Variants in STARD9 observed in about 807,000 individuals in gnomAD.
STARD9 encodes the protein StAR related lipid transfer domain containing 9.
STARD9 carries 346 observed loss-of-function variants against 399.8 expected under a neutral mutation model. The observed-to-expected ratio is 0.87, with a 90% CI of 0.79 to 0.95. STARD9 has a LOEUF of 0.95. Ranked by LOEUF, STARD9 falls within the 40% of genes least tolerant of loss-of-function variation. The probability of loss-of-function intolerance (pLI) is 0.00; values close to 1 mark genes in which losing one functional copy is unlikely to be tolerated. For synonymous variants in STARD9, 2,203 were observed against 2,143.5 expected (o/e 1.03, Z -0.77); for missense variants, 5,832 against 5,667.5 (o/e 1.03, Z -0.93).
At chr15:42,674,664 C>T (rs533993895) in intron 17 of STARD9, among the ~76,000 whole-genome samples, 163 bp from the exon 18 acceptor site, 12 of 152,280 alleles carry the variant, frequency 7.9e-5, no homozygotes, top group South Asian at 4.2e-4. Flanking sequence ...GGGAGACCCA[C>T]GCAGTGGGAG....
chr15:42,649,094 A>G (rs1405574591), intron 7 of STARD9, among the ~76,000 whole-genome samples: 2 of 151,922 alleles, frequency 1.3e-5, no homozygotes, highest in Non-Finnish European at 2.9e-5. Context: ...CAATGGCGCA[A>G]TCTCAGCTCA....
chr15:42,629,366 A>G (rs575284151), intron 3 of STARD9, among the ~76,000 whole-genome samples: 24 of 152,226 alleles, frequency 1.6e-4, no homozygotes, highest in African/African-American at 5.5e-4. Flanking sequence ...GACTATTCCT[A>G]GGTATCTTAT....
chr15:42,697,641 T>C lies in STARD9; in HGVS notation c.13284+1761T>C, dbSNP rs185430926. ...CCTGACCTCATGTGACACATTGAGT[T>C]GAAACACAGTCAAAACTTGGTTTCA... is the stretch of plus-strand genomic sequence containing the variant. On this transcript the variant is annotated intron_variant, in intron 26 of 32. Coordinates refer to ENST00000290607, the MANE Select transcript of STARD9 (RefSeq NM_020759.3). Among the ~76,000 whole-genome samples, 46 of 152,306 alleles carry C rather than the reference T, an allele frequency of 3.0e-4. No homozygotes were observed. In the East Asian group the frequency reaches 8.9e-3, roughly 29 times the overall value.
intron 15 of STARD9, among the ~76,000 whole-genome samples, chr15:42,667,914 C>T (rs527274657): frequency 3.3e-5 from 5 of 152,286 alleles, no homozygotes; most frequent in South Asian, 4.1e-4. Context: ...CTAAATCACA[C>T]GTCTAGAAGT....
At chr15:42,702,026 A>G (rs1488614324) in intron 26 of STARD9, among the ~76,000 whole-genome samples, 2 of 148,182 alleles carry the variant, frequency 1.3e-5, no homozygotes, top group Admixed American at 6.7e-5. Flanking sequence ...AGCTGAATGC[A>G]TGACCATGAC....
intron 8 of STARD9, among the ~76,000 whole-genome samples, 180 bp downstream of exon 8, chr15:42,651,265 T>A (rs2059757387): frequency 6.6e-6 from 1 of 152,166 alleles, no homozygotes; most frequent in Non-Finnish European, 1.5e-5. Context: ...TGACTAAGAT[T>A]TAGTCTCTTC....
At chr15:42,663,199 G>T in intron 11 of STARD9, 82 bp from the exon 12 acceptor site, 1 of 1,252,642 alleles carries the variant, frequency 8.0e-7, no homozygotes, top group Non-Finnish European at 1.1e-6. Flanking sequence ...ACTTAAGTCT[G>T]TGTTCTCCAA....
At chr15:42,602,175 TAC>T (rs2058643461) in intron 3 of STARD9, among the ~76,000 whole-genome samples, 1 of 152,232 alleles carries the variant, frequency 6.6e-6, no homozygotes, top group South Asian at 2.1e-4. Context: ...GTTTGTTTCC[TAC>T]ACCAAAGGCA....
intron 16 of STARD9, chr15:42,671,218 A>C (rs1328076720): frequency 7.0e-6 from 1 of 142,304 alleles, no homozygotes; most frequent in Non-Finnish European, 1.5e-5. Context: ...CTGCAACCTC[A>C]ACCTCCTGGG....
At chr15:42,615,302 C>T (rs946582149) in intron 3 of STARD9, among the ~76,000 whole-genome samples, 2 of 152,202 alleles carry the variant, frequency 1.3e-5, no homozygotes, top group Admixed American at 6.5e-5. Flanking sequence ...AGCCACCACA[C>T]CCAGCCATGG....
chr15:42,694,636 C>A lies in STARD9; in HGVS notation c.12873C>A (p.Asn4291Lys). 2 of 1,537,208 alleles carry A rather than the reference C, an allele frequency of 1.3e-6. No homozygotes were observed. Among genetic ancestry groups the A allele is most frequent in the Middle Eastern group, 1.7e-4 (1 of 5,990 alleles). Reference sequence around the variant, plus strand: ...AGAAACAACTGAGCCTCCTGCCCAACAAAGATCTCTTCATCTGGGATCTTG... The same window carrying A: ...AGAAACAACTGAGCCTCCTGCCCAAAAAAGATCTCTTCATCTGGGATCTTG... ...SPQKQLSLLP[N>K]KDLFIWDLDL... is the part of the protein sequence containing the mutation. The change falls in exon 24 of 33, where the codon AAC becomes AAA. Residue 4291 changes from asparagine (N) to lysine (K), a missense_variant. Asn to Lys is a moderately conservative substitution (Grantham distance 94). Transcript: ENST00000290607.
chr15:42,693,695 G>C lies in STARD9; in HGVS notation c.12117G>C (p.Pro4039=), dbSNP rs922143606. 13 of 1,537,008 alleles carry C rather than the reference G, an allele frequency of 8.5e-6. No homozygotes were observed. Among genetic ancestry groups the C allele is most frequent in the Non-Finnish European group, 1.1e-5 (13 of 1,146,926 alleles). The part of the protein sequence containing the change: ...NSFVPEKVAS[P]EHCPLSGREP... ...TTGTGCCTGAGAAGGTGGCTTCCCC[G>C]GAGCATTGCCCACTGAGCGGTAGGG... Residue 4039 remains proline (P), a synonymous_variant, in exon 23 of 33, where the codon CCG becomes CCC. Coordinates refer to ENST00000290607, the MANE Select transcript of STARD9 (RefSeq NM_020759.3).
In STARD9 at chr15:42,690,972, C is replaced by T. The variant is rs1383320170; in HGVS notation, c.9394C>T (p.Pro3132Ser). The T allele has an allele frequency of 1.3e-6, 2 of 1,537,182 alleles. No individual in the cohort carries two copies. Among genetic ancestry groups the T allele is most frequent in the Middle Eastern group, 1.7e-4 (1 of 5,990 alleles). ...GAATGCACAGGTGTGTCAAACCAAT[C>T]CAGAACCACCTGCAACAACTCAGGG... Reference protein sequence around the residue: ...DQNAQVCQTNPEPPATTQGPH... With the variant: ...DQNAQVCQTNSEPPATTQGPH... The change falls in exon 23 of 33, where the codon CCA (proline) becomes TCA (serine). Residue 3132 changes from proline (P) to serine (S), a missense_variant. Pro to Ser is a moderately conservative substitution (Grantham distance 74). Coordinates refer to ENST00000290607, the MANE Select transcript of STARD9 (RefSeq NM_020759.3).
chr15:42,656,295 C>G (rs1191037840), intron 9 of STARD9, among the ~76,000 whole-genome samples: 1 of 122,412 alleles, frequency 8.2e-6, no homozygotes, highest in South Asian at 2.4e-4. Context: ...TGCAGTGAGC[C>G]GAGATCATGC....
At chr15:42,637,851 G>A in intron 4 of STARD9, 56 bp from the exon 5 acceptor site, 3 of 1,518,776 alleles carry the variant, frequency 2.0e-6, no homozygotes, top group South Asian at 1.2e-5. Flanking sequence ...GGTATTCTGT[G>A]GGGGAGAGCA....
At chr15:42,593,692 C>A in intron 3 of STARD9, among the ~76,000 whole-genome samples, 1 of 102,074 alleles carries the variant, frequency 9.8e-6, no homozygotes, top group Admixed American at 1.5e-4. Flanking sequence ...GAGACAGAGT[C>A]TCACTCTGTT....
Position 42,693,602 on chromosome 15 carries a change from T to C in STARD9, c.12024T>C (p.Thr4008=). The C allele has an allele frequency of 6.5e-7, 1 of 1,537,204 alleles. No homozygotes were observed. The highest frequency in any genetic ancestry group is 8.7e-7 in the Non-Finnish European group (1 of 1,146,896). ...QHPQQLQPRT[T]IGVQSRLLPP... The stretch of plus-strand genomic sequence containing the variant: ...CTCAGCAGCTTCAGCCCAGGACAAC[T>C]ATCGGGGTCCAAAGCAGACTGCTGC... The change falls in exon 23 of 33, where the codon ACT becomes ACC. Residue 4008 remains threonine (T), a synonymous_variant. Coordinates refer to ENST00000290607, the MANE Select transcript of STARD9 (RefSeq NM_020759.3).
chr15:42,637,600 T>A (rs1331681158), intron 4 of STARD9, among the ~76,000 whole-genome samples: 2 of 152,210 alleles, frequency 1.3e-5, no homozygotes, highest in Admixed American at 1.3e-4. Context: ...TGGTAAAGTG[T>A]TTTTATCCAA....
intron 3 of STARD9, among the ~76,000 whole-genome samples, chr15:42,613,075 C>T (rs1021931134): frequency 1.3e-5 from 2 of 150,672 alleles, no homozygotes; most frequent in Non-Finnish European, 2.9e-5. Flanking sequence ...TTTTCTGGTT[C>T]CCTCAGGAAC....
Sources: gnomAD v4.1 joint callset for allele counts (sites outside exome capture counted in the v4.1 genomes callset) on GRCh38, gnomAD v4.1.1 for gene constraint, MANE v1.5 for transcripts, NCBI Gene and HGNC (gene_info 2026-07-23, HGNC 2026-07-21) for gene names.